RNF130: variants seen among roughly 807,000 people sequenced by gnomAD.
RNF130 encodes the protein ring finger protein 130.
RNF130 carries 21 observed loss-of-function variants against 44.6 expected under a neutral mutation model. That is an observed-to-expected ratio of 0.47 (90% CI 0.33 to 0.68). The LOEUF (loss-of-function observed/expected upper bound fraction) is 0.68. Among genes scored for constraint, RNF130 ranks in the 30% least tolerant of loss-of-function variants. The pLI is 0.02. For synonymous variants in RNF130, 214 were observed against 210.4 expected, an observed-to-expected ratio of 1.02 and a Z score of -0.15; for missense variants, 479 against 560.6, an observed-to-expected ratio of 0.85 and a Z score of 1.47.
Position 179,928,595 on chromosome 5 carries a change from A to G in RNF130, c.1151-8169T>C, listed in dbSNP as rs7718851. On this transcript the variant is annotated intron_variant, in intron 7 of 7. Transcript: ENST00000522208. ...CCTTTGTGAGTTAAGCATTGCAGGTACCTTCTTCCAAAACTGTATTTTTTT... is the reference window on the plus strand; with the variant it reads ...CCTTTGTGAGTTAAGCATTGCAGGTGCCTTCTTCCAAAACTGTATTTTTTT... Among the ~76,000 whole-genome samples the G allele has an allele frequency of 3.9e-3, 575 of 148,724 alleles. 3 individuals are homozygous for G. Among genetic ancestry groups the G allele is most frequent in the African/African-American group, 0.014 (549 of 40,504 alleles).
intron 3 of RNF130, among the ~76,000 whole-genome samples, chr5:179,982,293 T>C (rs530706325): frequency 2.0e-5 from 3 of 151,720 alleles, no homozygotes; most frequent in Non-Finnish European, 2.9e-5. Flanking sequence ...CTTTCACCTG[T>C]TGATGGGACA....
rs117265593 is a variant in RNF130 at position 180,068,377 on chromosome 5, T to C, written c.247+3079A>G. Reference sequence around the variant, plus strand: ...AAGACATGTTCCTTCAAAACTCCGTTTCTAAACACGAATTCTTTACCAGTT... The same window carrying C: ...AAGACATGTTCCTTCAAAACTCCGTCTCTAAACACGAATTCTTTACCAGTT... On this transcript the variant is annotated intron_variant, in intron 1 of 8. Coordinates refer to ENST00000521389, the MANE Select transcript of RNF130 (RefSeq NM_018434.6). 5.2e-4 allele frequency among the ~76,000 whole-genome samples: 79 copies of C among 152,370 alleles called. 1 individual carries two copies. The East Asian group carries it at 0.011, about 22-fold the overall frequency.
chr5:180,019,603 A>G (rs1763826518), intron 2 of RNF130, among the ~76,000 whole-genome samples: 1 of 152,194 alleles, frequency 6.6e-6, no homozygotes, highest in Admixed American at 6.5e-5. Context: ...TTCAAACCCA[A>G]TCTTCATTCT....
chr5:179,985,973 C>T (rs1260837237), intron 3 of RNF130, among the ~76,000 whole-genome samples: 2 of 152,218 alleles, frequency 1.3e-5, no homozygotes, highest in African/African-American at 2.4e-5. Context: ...CTCCTGTTAT[C>T]TTGTCATTTT....
At chr5:179,985,153 CT>C (rs34998254) in intron 3 of RNF130, among the ~76,000 whole-genome samples, 13 of 91,978 alleles carry the variant, frequency 1.4e-4, no homozygotes, top group African/African-American at 4.3e-4. Flanking sequence ...TACCCCCTAA[CT>C]TTTTTTTTTT....
intron 3 of RNF130, among the ~76,000 whole-genome samples, chr5:179,996,277 C>T (rs1763194642): frequency 6.6e-6 from 1 of 152,148 alleles, no homozygotes; most frequent in Middle Eastern, 3.2e-3. Flanking sequence ...GGTGTATATA[C>T]ACAGAACTGA....
intron 6 of RNF130, 131 bp downstream of exon 6, chr5:179,970,279 A>T: frequency 1.6e-6 from 1 of 617,186 alleles, no homozygotes; most frequent in Non-Finnish European, 2.7e-6. Flanking sequence ...TTACATGGTT[A>T]CATGGCAAAT....
chr5:179,994,180 T>C (rs924752717), intron 3 of RNF130, among the ~76,000 whole-genome samples: 1 of 152,160 alleles, frequency 6.6e-6, no homozygotes, highest in Non-Finnish European at 1.5e-5. Flanking sequence ...GTTTTGTTCT[T>C]TTGGCTTATG....
intron 2 of RNF130, among the ~76,000 whole-genome samples, chr5:180,028,116 A>G (rs1764032790): frequency 1.3e-5 from 2 of 152,256 alleles, no homozygotes; most frequent in South Asian, 4.1e-4. Flanking sequence ...TCCCCACCTC[A>G]GATCCTTCAC....
At chr5:180,012,217 G>T (rs759591890) in intron 3 of RNF130, among the ~76,000 whole-genome samples, 62 of 152,178 alleles carry the variant, frequency 4.1e-4, no homozygotes, top group Admixed American at 1.2e-3. Context: ...CTAGAAAGAG[G>T]AAGGATAAAA....
At chr5:180,053,231 C>T (rs549855496) in intron 1 of RNF130, among the ~76,000 whole-genome samples, 25 of 152,136 alleles carry the variant, frequency 1.6e-4, no homozygotes, top group African/African-American at 5.8e-4. Flanking sequence ...GAAGAGATCT[C>T]ACCCCTCCGC....
At chr5:180,056,701 A>G (rs1764832297) in intron 1 of RNF130, among the ~76,000 whole-genome samples, 3 of 152,220 alleles carry the variant, frequency 2.0e-5, no homozygotes, top group Non-Finnish European at 4.4e-5. Context: ...TCCCAATAAA[A>G]TGTGTATATA....
intron 7 of RNF130, among the ~76,000 whole-genome samples, chr5:179,941,030 C>T (rs533295200): frequency 6.6e-6 from 1 of 152,282 alleles, no homozygotes; most frequent in African/African-American, 2.4e-5. Context: ...TCAGTCCTCG[C>T]ATTTCCTTTT....
At chr5:180,026,307 G>A (rs1009062226) in intron 2 of RNF130, among the ~76,000 whole-genome samples, 4 of 152,132 alleles carry the variant, frequency 2.6e-5, no homozygotes, top group Non-Finnish European at 4.4e-5. Flanking sequence ...ATCAGACAGT[G>A]ATTTAACACA....
At chr5:179,952,865 T>C (rs1762147771), downstream of RNF130, among the ~76,000 whole-genome samples, 1 of 152,210 alleles carries the variant, frequency 6.6e-6, no homozygotes, top group African/African-American at 2.4e-5. Context: ...ATCTAGTCTA[T>C]AGTCTTAATA....
At chr5:179,968,735 T>C (rs1478676537) in intron 6 of RNF130, among the ~76,000 whole-genome samples, 2 of 151,552 alleles carry the variant, frequency 1.3e-5, no homozygotes, top group Non-Finnish European at 2.9e-5. Flanking sequence ...AGATGCTCTA[T>C]GTTAGACCAG....
At position 179,933,398 on chromosome 5, in the gene RNF130, T is replaced by TTGTGTG. The variant is rs71001060; in HGVS notation, c.1151-12978_1151-12973dup. ...ACTAACAATGTTCTCATAACCCTAT[T>TTGTGTG]TGTGTGTGTGTGTGTGTGTGTGTGA... On this transcript the variant is annotated intron_variant, in intron 7 of 7. Coordinates refer to the RNF130 transcript ENST00000522208. Among the ~76,000 whole-genome samples the TTGTGTG allele has an allele frequency of 8.0e-3, 1,152 of 143,500 alleles. 15 individuals carry two copies. Among genetic ancestry groups the TTGTGTG allele is most frequent in the African/African-American group, 0.028 (1,079 of 38,376 alleles). The allele number at this position is 143,500 out of a possible 152,430, so 94.1% of individuals were successfully genotyped here.
chr5:179,921,118 G>A (rs920068903), intron 7 of RNF130, among the ~76,000 whole-genome samples: 1 of 151,968 alleles, frequency 6.6e-6, no homozygotes, highest in African/African-American at 2.4e-5. Flanking sequence ...AAGCTTTACT[G>A]GGGTATAACT....
intron 2 of RNF130, among the ~76,000 whole-genome samples, chr5:180,037,290 GTGAGTA>G (rs1406580161): frequency 6.6e-6 from 1 of 152,206 alleles, no homozygotes; most frequent in African/African-American, 2.4e-5. Context: ...CAGTGCTTGT[GTGAGTA>G]TATGAAATCT....
Sources: allele counts gnomAD v4.1 joint callset (sites outside exome capture counted in the v4.1 genomes callset), GRCh38; gene constraint gnomAD v4.1.1; transcripts MANE v1.5; gene names NCBI Gene and HGNC (gene_info 2026-07-23, HGNC 2026-07-21).